EIF2AK4: variants seen among roughly 807,000 people sequenced by gnomAD.
The protein encoded by EIF2AK4 is eIF-2-alpha kinase GCN2.
A neutral mutation model predicts 211.1 loss-of-function variants in EIF2AK4; 139 were observed. The observed-to-expected ratio is 0.66, with a 90% CI of 0.57 to 0.76. The LOEUF (loss-of-function observed/expected upper bound fraction) is 0.76. Ranked by LOEUF, EIF2AK4 falls within the 30% of genes least tolerant of loss-of-function variation. The pLI, the probability that EIF2AK4 is intolerant of heterozygous loss-of-function variation, is 0.00. For missense variants in EIF2AK4, 1,664 were observed against 2,043.8 expected (o/e 0.81, Z 3.58); for synonymous variants, 710 against 751.3 (o/e 0.94, Z 0.90).
intron 1 of EIF2AK4, among the ~76,000 whole-genome samples, chr15:39,936,657 G>A (rs1350604552): frequency 1.3e-5 from 2 of 152,050 alleles, no homozygotes; most frequent in South Asian, 4.1e-4. Context: ...AAGTCCTCCC[G>A]CCTCGCCTCC....
At chr15:39,995,796 A>T (rs2035010821) in intron 18 of EIF2AK4, among the ~76,000 whole-genome samples, 4 of 152,120 alleles carry the variant, frequency 2.6e-5, no homozygotes, top group Admixed American at 2.6e-4. Flanking sequence ...TTACATTGTG[A>T]AATGATTACC....
rs147929733 is a variant in EIF2AK4 at position 40,026,137 on chromosome 15, T to A, written c.4502+48T>A. The A allele has an allele frequency of 8.1e-5, 120 of 1,475,498 alleles. No individual in the cohort carries two copies. The African/African-American group carries it at 1.5e-3, about 19-fold the overall frequency. The allele number at this position is 1,475,498 out of a possible 1,614,324, so 91.4% of individuals were successfully genotyped here. On this transcript the variant is annotated intron_variant, in intron 33 of 38. Coordinates refer to ENST00000263791, the MANE Select transcript of EIF2AK4 (RefSeq NM_001013703.4). ...AGAAAAGTGACTTCAGTTACCTATATGGAAACTACGTAAATTTATTTTAAA... is the reference window on the plus strand; with the variant it reads ...AGAAAAGTGACTTCAGTTACCTATAAGGAAACTACGTAAATTTATTTTAAA...
intron 32 of EIF2AK4, among the ~76,000 whole-genome samples, chr15:40,022,844 C>T (rs888606364): frequency 1.3e-5 from 2 of 152,148 alleles, no homozygotes; most frequent in Non-Finnish European, 2.9e-5. Context: ...CGCCATTTTC[C>T]TGCCTCAGCC....
At chr15:40,006,670 T>A (rs2291624) in intron 23 of EIF2AK4, among the ~76,000 whole-genome samples, 133,397 of 152,106 alleles carry the variant, frequency 0.88, 58,941 homozygotes, top group Non-Finnish European at 0.92. Context: ...ACATTTTTTT[T>A]AAATTCATAA....
At chr15:39,962,035 C>T in intron 7 of EIF2AK4, 136 bp downstream of exon 7, 1 of 590,256 alleles carries the variant, frequency 1.7e-6, no homozygotes, top group Non-Finnish European at 2.9e-6. Flanking sequence ...GTCATTCTGG[C>T]TCCCATCCTT....
Position 39,998,651 on chromosome 15 carries a change from G to A in EIF2AK4, c.2869-80G>A, listed in dbSNP as rs140171553. Reference sequence around the variant, plus strand: ...CTAGCAAATTTTTATTTCTGTATTTGATTTTCTTACTTATGGTGAATAAAT... The same window carrying A: ...CTAGCAAATTTTTATTTCTGTATTTAATTTTCTTACTTATGGTGAATAAAT... On this transcript the variant is annotated intron_variant, in intron 19 of 38. Coordinates refer to ENST00000263791, the MANE Select transcript of EIF2AK4 (RefSeq NM_001013703.4). The A allele has an allele frequency of 1.1e-5, 12 of 1,130,248 alleles. No individual in the cohort carries two copies. The East Asian group carries it at 2.7e-4, about 26-fold the overall frequency. 70.0% of individuals were successfully genotyped at this position (1,130,248 alleles called of 1,614,324 possible).
At chr15:39,959,821 G>T (rs1434410402) in intron 6 of EIF2AK4, among the ~76,000 whole-genome samples, 1 of 152,214 alleles carries the variant, frequency 6.6e-6, no homozygotes, top group Non-Finnish European at 1.5e-5. Flanking sequence ...TTTAGAAGTA[G>T]AAATTTGAAC....
At chr15:40,033,696 A>C (rs1311772923) in intron 37 of EIF2AK4, among the ~76,000 whole-genome samples, 1 of 152,216 alleles carries the variant, frequency 6.6e-6, no homozygotes, top group Non-Finnish European at 1.5e-5. Flanking sequence ...ATCCAGTCAA[A>C]TGGATATACT....
chr15:39,935,577 C>G, intron 1 of EIF2AK4, among the ~76,000 whole-genome samples: 2 of 152,144 alleles, frequency 1.3e-5, no homozygotes, highest in Non-Finnish European at 2.9e-5. Flanking sequence ...GCAATCCTCT[C>G]ACCTTGGCCT....
In EIF2AK4 at chr15:39,951,190, T is replaced by C. The variant is rs1328452030; in HGVS notation, c.513+1922T>C. Among the ~76,000 whole-genome samples, 12 of 152,138 alleles carry C rather than the reference T, an allele frequency of 7.9e-5. No homozygotes were observed. In the East Asian group the frequency reaches 2.3e-3, roughly 29 times the overall value. ...ATAGTGGATTCTTTTTGTTTCTTTG[T>C]TTGTTTGTTTGTTTTTGAGACAGAC... is the stretch of plus-strand genomic sequence containing the variant. On this transcript the variant is annotated intron_variant, in intron 4 of 38. Coordinates refer to ENST00000263791, the MANE Select transcript of EIF2AK4 (RefSeq NM_001013703.4).
chr15:39,969,442 G>A (rs2034592527), intron 9 of EIF2AK4, among the ~76,000 whole-genome samples: 1 of 141,306 alleles, frequency 7.1e-6, no homozygotes, highest in Admixed American at 7.6e-5. Context: ...CTTCCTGCAA[G>A]CTCCGCCTCC....
intron 25 of EIF2AK4, among the ~76,000 whole-genome samples, chr15:40,008,958 A>G (rs1288561090): frequency 6.6e-6 from 1 of 152,120 alleles, no homozygotes; most frequent in East Asian, 1.9e-4. Flanking sequence ...GTTAACAATA[A>G]CTATTCCACT....
At chr15:40,017,999 A>G (rs1365073955) in intron 29 of EIF2AK4, among the ~76,000 whole-genome samples, 1 of 152,208 alleles carries the variant, frequency 6.6e-6, no homozygotes, top group Non-Finnish European at 1.5e-5. Flanking sequence ...ATTTATGGGT[A>G]TCAACATCTT....
chr15:39,993,030 GTCCATCCATCCATCCA>G (rs1199022740), intron 18 of EIF2AK4, among the ~76,000 whole-genome samples, 182 bp downstream of exon 18: 3 of 146,570 alleles, frequency 2.0e-5, no homozygotes, highest in Admixed American at 6.8e-5. Context: ...GGAGCTTACA[GTCCATCCATCCATCCA>G]TCCATCCATC....
At chr15:40,024,700 CT>C (rs34431419) in intron 32 of EIF2AK4, among the ~76,000 whole-genome samples, 195 of 140,342 alleles carry the variant, frequency 1.4e-3, no homozygotes, top group Admixed American at 1.6e-3. Context: ...GCCCAGCCTC[CT>C]TTTTTTTTTT....
rs554532707 is a variant in EIF2AK4, at chr15:40,010,409, G to C, written c.3693+679G>C. 2.6e-5 allele frequency among the ~76,000 whole-genome samples: 4 copies of C among 152,266 alleles called. No homozygotes were observed. In the South Asian group the frequency reaches 6.2e-4, roughly 24 times the overall value. On this transcript the variant is annotated intron_variant, in intron 26 of 38. Coordinates refer to ENST00000263791, the MANE Select transcript of EIF2AK4 (RefSeq NM_001013703.4). ...TGGGACTGAGGCTATGGCACCTCCA[G>C]TTACTCTTCCCTAATTTAGTCACAT...
At chr15:40,029,795 A>G (rs1404483106) in intron 34 of EIF2AK4, among the ~76,000 whole-genome samples, 1 of 152,206 alleles carries the variant, frequency 6.6e-6, no homozygotes, top group Non-Finnish European at 1.5e-5. Flanking sequence ...GTATTTTGAA[A>G]TCCCTTGAAG....
At chr15:39,949,553 A>G (rs1430601652) in intron 4 of EIF2AK4, among the ~76,000 whole-genome samples, 1 of 152,204 alleles carries the variant, frequency 6.6e-6, no homozygotes, top group African/African-American at 2.4e-5. Context: ...TAGGGTGTAC[A>G]GGAGTTCACT....
At chr15:39,994,144 G>A (rs1192960744) in intron 18 of EIF2AK4, among the ~76,000 whole-genome samples, 2 of 152,180 alleles carry the variant, frequency 1.3e-5, no homozygotes, top group Non-Finnish European at 2.9e-5. Context: ...TGAAATATCT[G>A]ATGAGAAATC....
Sources: gnomAD v4.1 joint callset for allele counts (sites outside exome capture counted in the v4.1 genomes callset) on GRCh38, gnomAD v4.1.1 for gene constraint, MANE v1.5 for transcripts, NCBI Gene and HGNC (gene_info 2026-07-23, HGNC 2026-07-21) for gene names.